Variants in DTNB observed in about 807,000 individuals in gnomAD.
DTNB encodes the protein dystrobrevin beta.
DTNB carries 63 observed loss-of-function variants against 90.7 expected under a neutral mutation model. That is an observed-to-expected ratio of 0.69 (90% CI 0.57 to 0.86). DTNB has a LOEUF of 0.86. Among genes scored for constraint, DTNB ranks in the 40% least tolerant of loss-of-function variants. The pLI is 0.00. For missense variants in DTNB, 744 were observed against 807.1 expected (o/e 0.92, Z 0.95); for synonymous variants, 277 against 286.7 (o/e 0.97, Z 0.34).
rs542325379 is a variant in DTNB, at chr2:25,672,366, T to C, written c.-2+1020A>G. 5.3e-5 allele frequency among the ~76,000 whole-genome samples: 8 copies of C among 152,284 alleles called. No homozygotes were observed. In the East Asian group the frequency reaches 7.7e-4, roughly 15 times the overall value. ...CATTCATTCATGCAATAGACACTTATGGCTCAACCGCTGTGAGCCAGGCAA... is the reference window on the plus strand; with the variant it reads ...CATTCATTCATGCAATAGACACTTACGGCTCAACCGCTGTGAGCCAGGCAA... On this transcript the variant is annotated intron_variant, in intron 1 of 20. Coordinates refer to ENST00000406818, the MANE Select transcript of DTNB (RefSeq NM_021907.5).
At chr2:25,562,114 C>T (rs925217525) in intron 8 of DTNB, among the ~76,000 whole-genome samples, 2 of 152,194 alleles carry the variant, frequency 1.3e-5, no homozygotes, top group African/African-American at 4.8e-5. Context: ...GTTCATTTGC[C>T]TATTCTGTAT....
chr2:25,486,788 A>T (rs986354812), intron 9 of DTNB, among the ~76,000 whole-genome samples: 1 of 152,188 alleles, frequency 6.6e-6, no homozygotes, highest in Non-Finnish European at 1.5e-5. Context: ...AAAAAAACAG[A>T]ATTGGCACAA....
chr2:25,387,712 C>T lies in DTNB; in HGVS notation c.1736-334G>A, dbSNP rs992193047. Among the ~76,000 whole-genome samples, 11 of 152,190 alleles carry T rather than the reference C, an allele frequency of 7.2e-5. No individual in the cohort carries two copies. Among genetic ancestry groups the T allele is most frequent in the Admixed American group, 2.0e-4 (3 of 15,282 alleles). Reference sequence around the variant, plus strand: ...GGGGGTGGGGCTGTACTCTCCACAACCACCACTACCACCTCCCCTTCTCAC... The same window carrying T: ...GGGGGTGGGGCTGTACTCTCCACAATCACCACTACCACCTCCCCTTCTCAC... On this transcript the variant is annotated intron_variant, in intron 17 of 20. Coordinates refer to ENST00000406818, the MANE Select transcript of DTNB (RefSeq NM_021907.5). The surrounding 1 kb of genome is among the most constrained non-coding windows in gnomAD (Gnocchi z 4.5).
At chr2:25,444,067 C>T (rs1463683823) in intron 12 of DTNB, among the ~76,000 whole-genome samples, 1 of 152,032 alleles carries the variant, frequency 6.6e-6, no homozygotes, top group Non-Finnish European at 1.5e-5. Flanking sequence ...CTTTCTTTCA[C>T]CTTTCTTCCA....
At chr2:25,568,670 T>G (rs2059391824) in intron 8 of DTNB, among the ~76,000 whole-genome samples, 1 of 152,226 alleles carries the variant, frequency 6.6e-6, no homozygotes, top group Non-Finnish European at 1.5e-5. Flanking sequence ...TGGGAACCCT[T>G]GTTCTGATTA....
chr2:25,449,488 T>A (rs2058945085), intron 12 of DTNB, among the ~76,000 whole-genome samples: 1 of 152,216 alleles, frequency 6.6e-6, no homozygotes, highest in Non-Finnish European at 1.5e-5. Context: ...CTCCAACATT[T>A]GGTATCATCC....
intron 16 of DTNB, 161 bp from the exon 17 acceptor site, chr2:25,388,522 G>T: frequency 1.0e-6 from 1 of 992,654 alleles, no homozygotes; most frequent in Non-Finnish European, 1.4e-6. Flanking sequence ...TTCCAAGACT[G>T]GAGAGAGGAA....
At chr2:25,644,779 TAAG>T (rs964371019) in intron 2 of DTNB, among the ~76,000 whole-genome samples, 1 of 151,550 alleles carries the variant, frequency 6.6e-6, no homozygotes, top group Non-Finnish European at 1.5e-5. Context: ...AAATGAGAAA[TAAG>T]AAATTTTTCA....
At chr2:25,668,908 T>C (rs1457169728) in intron 1 of DTNB, among the ~76,000 whole-genome samples, 1 of 152,166 alleles carries the variant, frequency 6.6e-6, no homozygotes, top group African/African-American at 2.4e-5. Flanking sequence ...ATAAACAAAA[T>C]GTGGTATATT....
At chr2:25,465,701 G>A (rs2061659944) in intron 10 of DTNB, among the ~76,000 whole-genome samples, 2 of 152,128 alleles carry the variant, frequency 1.3e-5, no homozygotes, top group African/African-American at 4.8e-5. Context: ...CTGAGATGCC[G>A]GCATGGCCCT....
intron 10 of DTNB, among the ~76,000 whole-genome samples, chr2:25,470,137 TC>T (rs2062523303): frequency 6.6e-6 from 1 of 152,124 alleles, no homozygotes; most frequent in Non-Finnish European, 1.5e-5. Flanking sequence ...GTAAGACAAT[TC>T]TCTGACTCTG....
At chr2:25,634,007 T>A (rs1186738931) in intron 3 of DTNB, among the ~76,000 whole-genome samples, 1 of 150,588 alleles carries the variant, frequency 6.6e-6, no homozygotes, top group Non-Finnish European at 1.5e-5. Context: ...GAGGAGCCCC[T>A]CCGCCCGGCA....
intron 4 of DTNB, 124 bp downstream of exon 4, chr2:25,628,047 T>C: frequency 9.3e-7 from 1 of 1,080,120 alleles, no homozygotes; most frequent in Non-Finnish European, 1.3e-6. Flanking sequence ...ATAATTTCCC[T>C]TTTAATCATG....
chr2:25,550,298 A>G (rs1032007591), intron 8 of DTNB, among the ~76,000 whole-genome samples: 37 of 152,092 alleles, frequency 2.4e-4, no homozygotes, highest in Non-Finnish European at 4.9e-4. Flanking sequence ...GGCTGAGGCA[A>G]GAGAATGGCG....
At chr2:25,496,269 T>C (rs2068824168) in intron 9 of DTNB, among the ~76,000 whole-genome samples, 1 of 152,208 alleles carries the variant, frequency 6.6e-6, no homozygotes, top group South Asian at 2.1e-4. Context: ...AACCTTTCCA[T>C]GATGAATCCC....
At chr2:25,458,582 C>A (rs868588735) in intron 10 of DTNB, among the ~76,000 whole-genome samples, 1 of 152,042 alleles carries the variant, frequency 6.6e-6, no homozygotes. Flanking sequence ...AATCCTCCTG[C>A]CTCAGTCTCC....
chr2:25,629,186 T>C (rs1317689181), intron 3 of DTNB, among the ~76,000 whole-genome samples: 2 of 152,108 alleles, frequency 1.3e-5, no homozygotes, highest in Non-Finnish European at 2.9e-5. Context: ...TTTTAATGTG[T>C]TGAAAAGAAA....
At chr2:25,386,790 G>A (rs547015717) in intron 18 of DTNB, among the ~76,000 whole-genome samples, 2 of 152,322 alleles carry the variant, frequency 1.3e-5, no homozygotes, top group African/African-American at 4.8e-5. Flanking sequence ...TGAACTTCAG[G>A]TGAAATCAGA....
intron 4 of DTNB, among the ~76,000 whole-genome samples, chr2:25,619,679 AGAACT>A (rs2071889752): frequency 6.6e-6 from 1 of 152,194 alleles, no homozygotes; most frequent in African/African-American, 2.4e-5. Context: ...AATATAAACA[AGAACT>A]GTAAGTCATC....
Sources: allele counts gnomAD v4.1 joint callset (sites outside exome capture counted in the v4.1 genomes callset), GRCh38; gene constraint gnomAD v4.1.1; non-coding constraint Gnocchi (gnomAD v3.1); transcripts MANE v1.5; gene names NCBI Gene and HGNC (gene_info 2026-07-23, HGNC 2026-07-21).